The following HIRA variants were observed in gnomAD, a reference collection of about 807,000 sequenced individuals.
The protein encoded by HIRA is histone cell cycle regulator, also known as protein HIRA.
A neutral mutation model predicts 126.6 loss-of-function variants in HIRA; 13 were observed. The ratio of observed to expected loss-of-function variants is 0.10; its 90% confidence interval spans 0.07 to 0.16. The LOEUF is 0.16. Ranked by LOEUF, HIRA falls within the 10% of genes least tolerant of loss-of-function variation. The probability of loss-of-function intolerance (pLI) is 1.00; values close to 1 mark genes in which losing one functional copy is unlikely to be tolerated. For missense variants in HIRA, 834 were observed against 1,314.4 expected (o/e 0.63, Z 5.65); for synonymous variants, 511 against 520.0 (o/e 0.98, Z 0.24).
At chr22:19,335,907 G>C (rs1556005853) in intron 24 of HIRA, among the ~76,000 whole-genome samples, 1 of 152,222 alleles carries the variant, frequency 6.6e-6, no homozygotes, top group Non-Finnish European at 1.5e-5. Flanking sequence ...CATTGAGTCA[G>C]TAGGTCTGTT....
chr22:19,421,725 G>A (rs1405097174), intron 1 of HIRA, among the ~76,000 whole-genome samples: 1 of 152,110 alleles, frequency 6.6e-6, no homozygotes, highest in East Asian at 1.9e-4. Flanking sequence ...AGGCTGGACC[G>A]CAGTGATGCG....
chr22:19,333,629 T>G (rs2146504716), intron 24 of HIRA, among the ~76,000 whole-genome samples: 1 of 152,238 alleles, frequency 6.6e-6, no homozygotes, highest in Non-Finnish European at 1.5e-5. Flanking sequence ...CCGTCTTTCC[T>G]CAAATTTGGA....
intron 2 of HIRA, among the ~76,000 whole-genome samples, chr22:19,409,288 C>CTTTCTT (rs540302872): frequency 1.3e-4 from 19 of 145,460 alleles, no homozygotes; most frequent in African/African-American, 4.7e-4. Context: ...GATTTCTTTT[C>CTTTCTT]TTTTTTTTTT....
intron 15 of HIRA, among the ~76,000 whole-genome samples, chr22:19,369,072 C>G (rs1442812791): frequency 6.6e-6 from 1 of 152,208 alleles, no homozygotes; most frequent in East Asian, 1.9e-4. Flanking sequence ...GTCTAGACAT[C>G]TGTGAAGCAA....
chr22:19,342,620 T>A (rs1556007888), intron 24 of HIRA, among the ~76,000 whole-genome samples: 1 of 152,172 alleles, frequency 6.6e-6, no homozygotes, highest in East Asian at 1.9e-4. Context: ...ACTCCTGACC[T>A]CAGGTGATCT....
intron 11 of HIRA, among the ~76,000 whole-genome samples, chr22:19,386,160 G>A (rs2089125172): frequency 6.6e-6 from 1 of 152,190 alleles, no homozygotes; most frequent in Non-Finnish European, 1.5e-5. Context: ...CAGCTCATCT[G>A]CAGCCATAAG....
At chr22:19,336,337 T>G (rs1556005942) in intron 24 of HIRA, among the ~76,000 whole-genome samples, 1 of 152,186 alleles carries the variant, frequency 6.6e-6, no homozygotes, top group African/African-American at 2.4e-5. Flanking sequence ...ACAGATCCTT[T>G]GAAAGAAGTG....
chr22:19,345,933 T>C (rs1373910671), intron 24 of HIRA, among the ~76,000 whole-genome samples: 2 of 152,232 alleles, frequency 1.3e-5, no homozygotes, highest in African/African-American at 4.8e-5. Flanking sequence ...GGTGTCCCTG[T>C]GGTGCACTGG....
At chr22:19,369,892 G>A (rs1015304941) in intron 15 of HIRA, among the ~76,000 whole-genome samples, 1 of 152,202 alleles carries the variant, frequency 6.6e-6, no homozygotes, top group African/African-American at 2.4e-5. Flanking sequence ...CTGCGCCACT[G>A]CACTCCAGCC....
chr22:19,409,280 TTTC>T (rs1366496014), intron 2 of HIRA, among the ~76,000 whole-genome samples: 2 of 142,610 alleles, frequency 1.4e-5, no homozygotes, highest in Non-Finnish European at 3.0e-5. Flanking sequence ...TTAGTAATGA[TTTC>T]TTTTCTTTTT....
chr22:19,357,127 C>A, intron 18 of HIRA, 76 bp from the exon 19 acceptor site: 1 of 1,540,296 alleles, frequency 6.5e-7, no homozygotes. Context: ...GAAGTGTGGG[C>A]CTTCCCTCTG....
Position 19,378,025 on chromosome 22 carries a change from C to A in HIRA, c.1457G>T (p.Gly486Val), listed in dbSNP as rs1317566167. 6.2e-7 allele frequency: 1 copy of A among 1,601,044 alleles called. No homozygotes were observed. The highest frequency in any genetic ancestry group is 8.5e-7 in the Non-Finnish European group (1 of 1,172,926). ...AGAGAGCATGGTGCCCGCCAGGGAG[C>A]CCGAGAGGGGGATGCTGTTAAAGAA... ...TAFFNSIPLS[G>V]SLAGTMLSSH... is the part of the protein sequence containing the mutation. Residue 486 changes from glycine to valine, a missense_variant, in exon 14 of 25, where the codon GGC becomes GTC. By Grantham distance (109) the Gly-to-Val change is moderately radical (BLOSUM62 -3). Around this residue, in one of 5 missense-constraint regions of HIRA, gnomAD observed 468 missense variants for 574.2 expected, o/e 0.82. Coordinates refer to ENST00000263208, the MANE Select transcript of HIRA (RefSeq NM_003325.4).
intron 8 of HIRA, among the ~76,000 whole-genome samples, chr22:19,393,402 G>C (rs2089198192): frequency 6.6e-6 from 1 of 151,970 alleles, no homozygotes; most frequent in Admixed American, 6.6e-5. Flanking sequence ...CTGTCGCCCA[G>C]GCTGGAGTAC....
chr22:19,395,923 A>G lies in HIRA; in HGVS notation c.654+864T>C, dbSNP rs565164085. On this transcript the variant is annotated intron_variant, in intron 7 of 24. Coordinates refer to ENST00000263208, the MANE Select transcript of HIRA (RefSeq NM_003325.4). The stretch of plus-strand genomic sequence containing the variant: ...CATTCCATTTGAAATCAGAACTCAA[A>G]TAACGGAAGAGAGATTAAAATACCA... 1.0e-3 allele frequency among the ~76,000 whole-genome samples: 156 copies of G among 152,342 alleles called. 1 individual carries two copies. The highest frequency in any genetic ancestry group is 1.6e-3 in the Non-Finnish European group (110 of 68,022).
At chr22:19,349,757 C>T (rs1304826370) in intron 24 of HIRA, among the ~76,000 whole-genome samples, 1 of 152,164 alleles carries the variant, frequency 6.6e-6, no homozygotes, top group Non-Finnish European at 1.5e-5. Context: ...AAAATTAGGC[C>T]TCTGTACACA....
rs782416995 is a variant in HIRA at position 19,353,500 on chromosome 22, G to T, written c.2704C>A (p.Arg902=). ...RTSNSGRQAA[R]LFSVPHVVQQ... ...ACCACATGAGGCACGGAGAAGAGCC[G>T]GGCAGCCTGCCTTCCCGAGCTGCAG... The change falls in exon 23 of 25, where the codon CGG becomes AGG. Residue 902 remains arginine (R), a synonymous_variant. Coordinates refer to ENST00000263208, the MANE Select transcript of HIRA (RefSeq NM_003325.4). 2.5e-6 allele frequency: 4 copies of T among 1,610,118 alleles called. No homozygotes were observed. The South Asian group carries it at 3.3e-5, about 13-fold the overall frequency.
intron 24 of HIRA, among the ~76,000 whole-genome samples, chr22:19,338,154 G>C (rs2088587589): frequency 6.6e-6 from 1 of 151,966 alleles, no homozygotes; most frequent in Non-Finnish European, 1.5e-5. Context: ...GAAGGGTTTG[G>C]GTTCCTATTT....
intron 1 of HIRA, among the ~76,000 whole-genome samples, chr22:19,428,289 T>C (rs2089504004): frequency 6.6e-6 from 1 of 152,318 alleles, no homozygotes; most frequent in South Asian, 2.1e-4. Flanking sequence ...ACATTGGCAA[T>C]GACTGGAGAT....
rs782769931 is a variant in HIRA, at chr22:19,331,311, G to C, written c.*129C>G. 13 of 1,590,926 alleles carry C rather than the reference G, an allele frequency of 8.2e-6. No homozygotes were observed. Among genetic ancestry groups the C allele is most frequent in the African/African-American group, 1.3e-5 (1 of 74,766 alleles). On this transcript the variant is annotated 3_prime_UTR_variant, in exon 25 of 25. Transcript: ENST00000263208. ...CCCAGGGAGCTGGGCTGGCGCTGGT[G>C]CAGGACAGCACATCTCCTGCCAGTG...
Sources: allele counts gnomAD v4.1 joint callset (sites outside exome capture counted in the v4.1 genomes callset), GRCh38; gene constraint gnomAD v4.1.1; regional missense constraint gnomAD v4.1.1; transcripts MANE v1.5; gene names NCBI Gene and HGNC (gene_info 2026-07-23, HGNC 2026-07-21).